Variants in MCCC2 observed in about 807,000 individuals in gnomAD.
MCCC2 encodes methylcrotonoyl-CoA carboxylase beta chain, mitochondrial.
A neutral mutation model predicts 77.2 loss-of-function variants in MCCC2; 52 were observed. The ratio of observed to expected loss-of-function variants is 0.67; its 90% confidence interval spans 0.54 to 0.85. The LOEUF is 0.85. Among genes scored for constraint, MCCC2 ranks in the 40% least tolerant of loss-of-function variants. The pLI, the probability that MCCC2 is intolerant of heterozygous loss-of-function variation, is 0.00. For missense variants in MCCC2, 682 were observed against 703.2 expected (o/e 0.97, Z 0.34); for synonymous variants, 253 against 248.4 (o/e 1.02, Z -0.18).
At chr5:71,622,068 G>A (rs277986) in intron 6 of MCCC2, among the ~76,000 whole-genome samples, 60,202 of 151,882 alleles carry the variant, frequency 0.4, 12,479 homozygotes, top group South Asian at 0.47. Flanking sequence ...GATCGCTTGA[G>A]CACAGGAGTT....
At chr5:71,620,754 G>A (rs1260699974) in intron 6 of MCCC2, among the ~76,000 whole-genome samples, 1 of 152,144 alleles carries the variant, frequency 6.6e-6, no homozygotes, top group Non-Finnish European at 1.5e-5. Flanking sequence ...TGTTGCCTGT[G>A]CCTTCTGTGG....
At chr5:71,652,979 G>T (rs1263617004) in intron 16 of MCCC2, among the ~76,000 whole-genome samples, 1 of 152,202 alleles carries the variant, frequency 6.6e-6, no homozygotes, top group African/African-American at 2.4e-5. Context: ...CACCACCAGT[G>T]GTCTGATTCT....
Position 71,632,152 on chromosome 5 carries a change from C to T in MCCC2, c.770C>T (p.Ala257Val), listed in dbSNP as rs751147229. The T allele has an allele frequency of 6.2e-7, 1 of 1,614,160 alleles. No homozygotes were observed. Among genetic ancestry groups the T allele is most frequent in the Admixed American group, 1.7e-5 (1 of 60,028 alleles). The change falls in exon 8 of 17, where the codon GCT (alanine) becomes GTT (valine). Residue 257 changes from alanine to valine, a missense_variant. Physicochemically the swap from Ala to Val is moderately conservative, Grantham distance 64. Transcript: ENST00000340941. ...GCGGCAACTGGGGAAGAAGTATCTG[C>T]TGAGGATCTTGGAGGTGCTGATCTT... ...VKAATGEEVS[A>V]EDLGGADLHC...
intron 4 of MCCC2, among the ~76,000 whole-genome samples, chr5:71,601,632 G>C (rs963392839): frequency 5.3e-5 from 8 of 152,188 alleles, no homozygotes; most frequent in Admixed American, 6.6e-5. Context: ...TGGGTGTTCA[G>C]TTGCCGTTCT....
chr5:71,591,851 C>T (rs1033522874), intron 1 of MCCC2, among the ~76,000 whole-genome samples: 7 of 152,170 alleles, frequency 4.6e-5, no homozygotes, highest in African/African-American at 1.7e-4. Context: ...CTCCTGGGCT[C>T]AAGAGATCCT....
At position 71,656,872 on chromosome 5, in the gene MCCC2, G is replaced by A; in HGVS notation, c.*12G>A. 1 of 1,592,332 alleles carries A rather than the reference G, an allele frequency of 6.3e-7. No homozygotes were observed. The highest frequency in any genetic ancestry group is 1.7e-5 in the Admixed American group (1 of 59,984). ...TCTTCAGGATGTAACTGGAATAAAGGATGTTTTCTGTTGGACATGTACTGA... is the reference window on the plus strand; with the variant it reads ...TCTTCAGGATGTAACTGGAATAAAGAATGTTTTCTGTTGGACATGTACTGA... On this transcript the variant is annotated 3_prime_UTR_variant, in exon 17 of 17. Coordinates refer to ENST00000340941, the MANE Select transcript of MCCC2 (RefSeq NM_022132.5).
intron 13 of MCCC2, among the ~76,000 whole-genome samples, chr5:71,646,741 C>A (rs1747284183): frequency 6.6e-6 from 1 of 152,154 alleles, no homozygotes; most frequent in South Asian, 2.1e-4. Flanking sequence ...CATGGCCACC[C>A]TTTACTCCTG....
chr5:71,617,255 C>A (rs957247284), intron 6 of MCCC2, among the ~76,000 whole-genome samples: 3 of 152,182 alleles, frequency 2.0e-5, no homozygotes, highest in Non-Finnish European at 4.4e-5. Flanking sequence ...GTCTCCAACC[C>A]ATCTTCCAAG....
chr5:71,615,327 C>A (rs1046160536), intron 6 of MCCC2, among the ~76,000 whole-genome samples: 1 of 152,180 alleles, frequency 6.6e-6, no homozygotes, highest in Non-Finnish European at 1.5e-5. Context: ...TTCAAACCTC[C>A]ATGCCCTACG....
intron 6 of MCCC2, among the ~76,000 whole-genome samples, chr5:71,614,078 T>C: frequency 6.6e-6 from 1 of 151,416 alleles, no homozygotes; most frequent in Middle Eastern, 3.2e-3. Context: ...GAGCTACTTC[T>C]CTTAGCCTTT....
chr5:71,639,804 C>T (rs1387736498), intron 10 of MCCC2, among the ~76,000 whole-genome samples: 1 of 151,956 alleles, frequency 6.6e-6, no homozygotes, highest in Non-Finnish European at 1.5e-5. Context: ...TATATAGCAC[C>T]CAAAACAGAT....
intron 6 of MCCC2, among the ~76,000 whole-genome samples, chr5:71,614,672 C>T (rs563095502): frequency 7.9e-5 from 12 of 151,726 alleles, no homozygotes; most frequent in Admixed American, 7.2e-4. Context: ...TTAGTAGAGA[C>T]GGGGTTTTAC....
intron 10 of MCCC2, 122 bp downstream of exon 10, chr5:71,635,368 T>A: frequency 1.2e-6 from 1 of 866,072 alleles, no homozygotes; most frequent in Non-Finnish European, 1.9e-6. Context: ...TGGATCTCAG[T>A]AAGGAGTGAC....
chr5:71,646,351 C>A, intron 13 of MCCC2, 74 bp downstream of exon 13: 1 of 1,350,794 alleles, frequency 7.4e-7, no homozygotes, highest in African/African-American at 1.4e-5. Context: ...ATGTATTGGA[C>A]AGCACACATG....
rs1745864071 is a variant in MCCC2 at position 71,610,037 on chromosome 5, C to A, written c.624+5569C>A. 2.6e-5 allele frequency among the ~76,000 whole-genome samples: 4 copies of A among 151,136 alleles called. No individual in the cohort carries two copies. In the South Asian group the frequency reaches 6.2e-4, roughly 23 times the overall value. On this transcript the variant is annotated intron_variant, in intron 6 of 16. Coordinates refer to ENST00000340941, the MANE Select transcript of MCCC2 (RefSeq NM_022132.5). ...TGTCTTTTTGTTTGTCTGTGCCCTG[C>A]CCCCAGAGGGGAGCCTACAGAGGCA...
At chr5:71,612,084 A>G (rs1423558640) in intron 6 of MCCC2, among the ~76,000 whole-genome samples, 3 of 152,034 alleles carry the variant, frequency 2.0e-5, no homozygotes, top group African/African-American at 4.8e-5. Context: ...GATAACAGGC[A>G]TGAGCCACCG....
intron 6 of MCCC2, 112 bp downstream of exon 6, chr5:71,604,580 ATCT>A: frequency 3.7e-6 from 3 of 811,420 alleles, no homozygotes; most frequent in South Asian, 3.1e-5. Context: ...ACAAAATCTA[ATCT>A]TTTTTTTTTT....
intron 7 of MCCC2, among the ~76,000 whole-genome samples, chr5:71,631,538 CTT>C (rs544704315): frequency 1.0e-3 from 131 of 128,236 alleles, no homozygotes; most frequent in Middle Eastern, 4.1e-3. Context: ...GGTCTTTCTT[CTT>C]TTTTTTTTTT....
chr5:71,588,097 C>T (rs890116182), intron 1 of MCCC2, among the ~76,000 whole-genome samples: 6 of 151,860 alleles, frequency 4.0e-5, no homozygotes, highest in African/African-American at 1.2e-4. Flanking sequence ...GGTGAAACCC[C>T]ATCTCTACTA....
Sources: allele counts gnomAD v4.1 joint callset (sites outside exome capture counted in the v4.1 genomes callset), GRCh38; gene constraint gnomAD v4.1.1; transcripts MANE v1.5; gene names NCBI Gene and HGNC (gene_info 2026-07-23, HGNC 2026-07-21).